CCDC148: variants seen among roughly 807,000 people sequenced by gnomAD.
CCDC148 encodes the protein coiled-coil domain-containing protein 148.
In CCDC148, 89 loss-of-function variants were observed where a neutral mutation model predicts 85.7. That is an observed-to-expected ratio of 1.04 (90% CI 0.87 to 1.24). The LOEUF (loss-of-function observed/expected upper bound fraction) is 1.24. CCDC148 is among the 50% of genes most tolerant of loss of function. The pLI is 0.00. For missense variants in CCDC148, 692 were observed against 671.7 expected, an observed-to-expected ratio of 1.03 and a Z score of -0.33; for synonymous variants, 230 against 213.9, an observed-to-expected ratio of 1.08 and a Z score of -0.66.
intron 3 of CCDC148, among the ~76,000 whole-genome samples, chr2:158,340,955 T>G (rs1027682062): frequency 6.6e-6 from 1 of 152,116 alleles, no homozygotes; most frequent in African/African-American, 2.4e-5. Context: ...TGAAGGTCAG[T>G]AGGCTGACCT....
chr2:158,338,910 G>A lies in CCDC148; in HGVS notation c.583-3C>T. 3.1e-6 allele frequency: 5 copies of A among 1,597,856 alleles called. No homozygotes were observed. The highest frequency in any genetic ancestry group is 4.3e-6 in the Non-Finnish European group (5 of 1,174,966). On this transcript the variant is annotated splice_region_variant and splice_polypyrimidine_tract_variant and intron_variant, in intron 6 of 13. Coordinates refer to ENST00000283233, the MANE Select transcript of CCDC148 (RefSeq NM_138803.4). The stretch of plus-strand genomic sequence containing the variant: ...TCTTCCAAAGAATGATCTAGAATCT[G>A]AAAAAAAGTATATGATTATTTTATT...
chr2:158,323,992 G>A (rs1407795749), intron 7 of CCDC148, among the ~76,000 whole-genome samples: 1 of 130,574 alleles, frequency 7.7e-6, no homozygotes, highest in Admixed American at 8.9e-5. Flanking sequence ...GCCGTGGTGT[G>A]ATCTCAGCTT....
intron 9 of CCDC148, among the ~76,000 whole-genome samples, chr2:158,263,397 C>T (rs1689317602): frequency 1.3e-5 from 2 of 151,896 alleles, no homozygotes; most frequent in African/African-American, 4.8e-5. Flanking sequence ...ACTTTATTAT[C>T]TTATATTAAA....
chr2:158,386,780 C>T (rs1685103814), intron 1 of CCDC148, among the ~76,000 whole-genome samples: 1 of 152,120 alleles, frequency 6.6e-6, no homozygotes, highest in South Asian at 2.1e-4. Flanking sequence ...GGATTTTCCC[C>T]TCATCCTTCC....
chr2:158,387,990 G>T (rs898124788), intron 1 of CCDC148, among the ~76,000 whole-genome samples: 3 of 152,182 alleles, frequency 2.0e-5, no homozygotes, highest in African/African-American at 7.2e-5. Context: ...GACCAGCACT[G>T]TTCTGCTCCT....
intron 11 of CCDC148, among the ~76,000 whole-genome samples, chr2:158,200,984 A>G (rs1172218850): frequency 6.6e-6 from 1 of 152,172 alleles, no homozygotes; most frequent in Non-Finnish European, 1.5e-5. Flanking sequence ...TCCCTGCCCC[A>G]GACCTGGAAT....
Position 158,242,790 on chromosome 2 carries a change from C to T in CCDC148, c.1251+7982G>A, listed in dbSNP as rs375527288. On this transcript the variant is annotated intron_variant, in intron 10 of 13. Transcript: ENST00000283233. ...GAACCATTTAGTTATAGGTTTAAGG[C>T]CAACATATAGTTGAATAAAGGTGTC... 7.2e-4 allele frequency among the ~76,000 whole-genome samples: 109 copies of T among 151,840 alleles called. No homozygotes were observed. In the South Asian group the frequency reaches 0.022, roughly 30 times the overall value.
intron 12 of CCDC148, chr2:158,178,077 T>G (rs1357052538): frequency 2.6e-5 from 4 of 152,096 alleles, no homozygotes; most frequent in Admixed American, 6.6e-5. Context: ...AAATAAAGCT[T>G]ACGGAGGTTA....
chr2:158,331,020 CT>C (rs1693079867), intron 7 of CCDC148, among the ~76,000 whole-genome samples: 2 of 152,100 alleles, frequency 1.3e-5, no homozygotes, highest in Non-Finnish European at 1.5e-5. Context: ...CAGTTCTGCT[CT>C]GATTTTCGTT....
At chr2:158,385,560 T>C (rs1005528305) in intron 1 of CCDC148, among the ~76,000 whole-genome samples, 1 of 152,184 alleles carries the variant, frequency 6.6e-6, no homozygotes, top group African/African-American at 2.4e-5. Context: ...TAGACATTGG[T>C]AGAAACTTCT....
At chr2:158,277,065 G>C (rs1689983403) in intron 9 of CCDC148, among the ~76,000 whole-genome samples, 1 of 152,148 alleles carries the variant, frequency 6.6e-6, no homozygotes, top group Non-Finnish European at 1.5e-5. Flanking sequence ...CTCTTTGACA[G>C]ATGAAGAAAT....
At chr2:158,378,006 A>C (rs1401309546) in intron 1 of CCDC148, among the ~76,000 whole-genome samples, 3 of 152,126 alleles carry the variant, frequency 2.0e-5, no homozygotes, top group Admixed American at 2.0e-4. Flanking sequence ...TTGAGGGAGA[A>C]TAGTACATCT....
chr2:158,222,312 C>T (rs73966293), intron 10 of CCDC148, among the ~76,000 whole-genome samples: 4,134 of 152,164 alleles, frequency 0.027, 174 homozygotes, highest in African/African-American at 0.089. Flanking sequence ...TTTCTGACAC[C>T]ACTTGATCAC....
At chr2:158,387,133 A>G (rs998096524) in intron 1 of CCDC148, among the ~76,000 whole-genome samples, 5 of 152,082 alleles carry the variant, frequency 3.3e-5, no homozygotes, top group African/African-American at 1.2e-4. Context: ...CACAGTCTAG[A>G]TCAAATATTT....
At chr2:158,295,500 G>A (rs1237101037) in intron 9 of CCDC148, among the ~76,000 whole-genome samples, 5 of 149,612 alleles carry the variant, frequency 3.3e-5, no homozygotes, top group Non-Finnish European at 5.9e-5. Context: ...ACTGAATCCA[G>A]CAGCACATCA....
At chr2:158,195,362 G>T (rs1217020538) in intron 11 of CCDC148, among the ~76,000 whole-genome samples, 1 of 151,878 alleles carries the variant, frequency 6.6e-6, no homozygotes, top group African/African-American at 2.4e-5. Flanking sequence ...TTAAGTTTAT[G>T]GTCCAAATTT....
At chr2:158,210,035 C>A (rs1466085408) in intron 11 of CCDC148, among the ~76,000 whole-genome samples, 1 of 152,088 alleles carries the variant, frequency 6.6e-6, no homozygotes, top group Non-Finnish European at 1.5e-5. Flanking sequence ...TAAAGAGTCA[C>A]GACCCATTGG....
intron 9 of CCDC148, among the ~76,000 whole-genome samples, chr2:158,302,644 T>C (rs1214034283): frequency 2.7e-4 from 41 of 151,810 alleles, no homozygotes; most frequent in African/African-American, 9.7e-4. Context: ...ATTAGCTGGG[T>C]GTGGTGGCAC....
At chr2:158,448,444 C>T (rs1461429443) in intron 1 of CCDC148, among the ~76,000 whole-genome samples, 1 of 151,668 alleles carries the variant, frequency 6.6e-6, no homozygotes, top group Non-Finnish European at 1.5e-5. Context: ...ACTTCCTGGG[C>T]TCCAGCCATC....
Sources: gnomAD v4.1 joint callset for allele counts (sites outside exome capture counted in the v4.1 genomes callset) on GRCh38, gnomAD v4.1.1 for gene constraint, MANE v1.5 for transcripts, NCBI Gene and HGNC (gene_info 2026-07-23, HGNC 2026-07-21) for gene names.